The following RARB variants were observed in gnomAD, a reference collection of about 807,000 sequenced individuals.
RARB encodes retinoic acid receptor beta, also known as HBV-activated protein.
In RARB, 17 loss-of-function variants were observed where a neutral mutation model predicts 51.9. That is an observed-to-expected ratio of 0.33 (90% CI 0.22 to 0.49). The LOEUF (loss-of-function observed/expected upper bound fraction) is 0.49. RARB is among the 20% of genes least tolerant of loss of function. The pLI, the probability that RARB is intolerant of heterozygous loss-of-function variation, is 0.99. For synonymous variants in RARB, 215 were observed against 195.4 expected (o/e 1.10, Z -0.84); for missense variants, 369 against 550.8 (o/e 0.67, Z 3.30).
intron 1 of RARB, among the ~76,000 whole-genome samples, chr3:25,445,599 A>G (rs1708895156): frequency 6.6e-6 from 1 of 152,084 alleles, no homozygotes; most frequent in Admixed American, 6.6e-5. Flanking sequence ...CCCAGGAGGC[A>G]GGGGTTGCAG....
At chr3:24,846,804 C>G (rs932712440) in intron 1 of RARB, among the ~76,000 whole-genome samples, 2 of 150,960 alleles carry the variant, frequency 1.3e-5, no homozygotes, top group Non-Finnish European at 2.9e-5. Flanking sequence ...AAGTAACTTG[C>G]TTATTAACAA....
intron 5 of RARB, among the ~76,000 whole-genome samples, chr3:25,321,326 G>T (rs78055123): frequency 0.012 from 1,829 of 152,216 alleles, 45 homozygotes; most frequent in African/African-American, 0.042. Context: ...CAAGCCAAAG[G>T]TAACTGAATA....
At chr3:24,941,401 ACTT>A (rs569990842) in intron 2 of RARB, among the ~76,000 whole-genome samples, 170 of 150,428 alleles carry the variant, frequency 1.1e-3, no homozygotes, top group African/African-American at 4.0e-3. Flanking sequence ...ACAGAGTCTC[ACTT>A]CTTCACCCAG....
At chr3:24,961,203 TTC>T (rs1344510861) in intron 2 of RARB, among the ~76,000 whole-genome samples, 1 of 152,216 alleles carries the variant, frequency 6.6e-6, no homozygotes, top group African/African-American at 2.4e-5. Flanking sequence ...ACCAAAGAGA[TTC>T]TGTTGTTCAA....
chr3:25,185,063 G>A (rs1044562562), intron 5 of RARB, among the ~76,000 whole-genome samples: 1 of 152,066 alleles, frequency 6.6e-6, no homozygotes, highest in African/African-American at 2.4e-5. Flanking sequence ...CTTTCTACAT[G>A]TGCATGTGCT....
intron 5 of RARB, among the ~76,000 whole-genome samples, chr3:25,229,648 T>C (rs1275138338): frequency 6.6e-6 from 1 of 151,014 alleles, no homozygotes; most frequent in Non-Finnish European, 1.5e-5. Context: ...ATGCTTTGAA[T>C]GGGCACCCTT....
chr3:25,094,270 C>T (rs1699253294), intron 3 of RARB, among the ~76,000 whole-genome samples: 1 of 152,150 alleles, frequency 6.6e-6, no homozygotes, highest in Non-Finnish European at 1.5e-5. Flanking sequence ...TAAGGGATGC[C>T]TTCTCCATAT....
intron 5 of RARB, among the ~76,000 whole-genome samples, chr3:25,206,257 A>T (rs1373795518): frequency 2.0e-5 from 3 of 152,244 alleles, no homozygotes; most frequent in Non-Finnish European, 4.4e-5. Flanking sequence ...AGCTTTTAAA[A>T]TTGAACTAGC....
intron 2 of RARB, among the ~76,000 whole-genome samples, chr3:25,482,583 A>G (rs1049463848): frequency 8.7e-6 from 1 of 115,598 alleles, no homozygotes; most frequent in African/African-American, 3.5e-5. Context: ...TCTGTCTCCC[A>G]GGCCGGAGTG....
intron 4 of RARB, among the ~76,000 whole-genome samples, chr3:25,573,115 C>T (rs1385744532): frequency 6.6e-6 from 1 of 152,130 alleles, no homozygotes; most frequent in Non-Finnish European, 1.5e-5. Flanking sequence ...CTCTAAACCA[C>T]GTCCCAGAGT....
At chr3:24,858,386 C>T (rs985879634) in intron 1 of RARB, among the ~76,000 whole-genome samples, 2 of 152,098 alleles carry the variant, frequency 1.3e-5, no homozygotes, top group South Asian at 4.1e-4. Context: ...ATTTAAAGCA[C>T]GTAAGCCCAC....
At chr3:24,867,962 C>T (rs995303575) in intron 2 of RARB, among the ~76,000 whole-genome samples, 1 of 152,160 alleles carries the variant, frequency 6.6e-6, no homozygotes, top group South Asian at 2.1e-4. Context: ...ACTGAGATAA[C>T]AGATGCCCAT....
chr3:25,012,300 TAAAA>T (rs1697415937), intron 2 of RARB, among the ~76,000 whole-genome samples: 1 of 152,088 alleles, frequency 6.6e-6, no homozygotes, highest in South Asian at 2.1e-4. Context: ...TGTTTCTTAT[TAAAA>T]AGAAAGTGGT....
intron 5 of RARB, among the ~76,000 whole-genome samples, chr3:25,311,810 A>G (rs1704296732): frequency 1.3e-5 from 2 of 152,222 alleles, no homozygotes; most frequent in South Asian, 2.1e-4. Flanking sequence ...GTTCAGGCTC[A>G]TGACACAAAC....
chr3:25,452,779 C>T (rs1004887224), intron 1 of RARB, among the ~76,000 whole-genome samples: 8 of 152,168 alleles, frequency 5.3e-5, no homozygotes, highest in Non-Finnish European at 8.8e-5. Flanking sequence ...TCAGTTCTCC[C>T]TCTCCTCATG....
At chr3:25,235,563 A>T (rs982351604) in intron 5 of RARB, among the ~76,000 whole-genome samples, 5 of 152,190 alleles carry the variant, frequency 3.3e-5, no homozygotes, top group African/African-American at 1.2e-4. Context: ...TGTGTCTGTG[A>T]TAGTCATCAT....
intron 5 of RARB, among the ~76,000 whole-genome samples, chr3:25,344,348 T>C (rs1705323536): frequency 6.6e-6 from 1 of 152,222 alleles, no homozygotes; most frequent in Non-Finnish European, 1.5e-5. Context: ...GTTTTCATAC[T>C]AACAAATTAA....
chr3:25,371,783 T>C (rs762663049), intron 5 of RARB, among the ~76,000 whole-genome samples: 3 of 152,242 alleles, frequency 2.0e-5, no homozygotes, highest in Non-Finnish European at 4.4e-5. Flanking sequence ...TTTGAAAATG[T>C]TCCCAGCTCG....
chr3:25,358,145 T>C (rs1430633235), intron 5 of RARB, among the ~76,000 whole-genome samples: 1 of 152,220 alleles, frequency 6.6e-6, no homozygotes, highest in Non-Finnish European at 1.5e-5. Flanking sequence ...TTGTGTCCTC[T>C]CTTATTTCCT....
Sources: gnomAD v4.1 joint callset for allele counts (sites outside exome capture counted in the v4.1 genomes callset) on GRCh38, gnomAD v4.1.1 for gene constraint, MANE v1.5 for transcripts, NCBI Gene and HGNC (gene_info 2026-07-23, HGNC 2026-07-21) for gene names.